The following SLC24A2 variants were observed in gnomAD, a reference collection of about 807,000 sequenced individuals.
SLC24A2 encodes the protein sodium/potassium/calcium exchanger 2.
SLC24A2 carries 36 observed loss-of-function variants against 62.0 expected under a neutral mutation model. The observed-to-expected ratio is 0.58, with a 90% confidence interval of 0.44 to 0.77. SLC24A2 has a LOEUF of 0.77. SLC24A2 is among the 30% of genes least tolerant of loss of function. SLC24A2 has a pLI of 0.00. For missense variants in SLC24A2, 846 were observed against 817.9 expected (o/e 1.03, Z -0.42); for synonymous variants, 358 against 294.0 (o/e 1.22, Z -2.23).
chr9:20,052,511 C>T, the SLC24A2 span, among the ~76,000 whole-genome samples: 2 of 152,202 alleles, frequency 1.3e-5, no homozygotes, highest in Admixed American at 6.5e-5. Context: ...CCTTGATCTT[C>T]TTCTGTTCCC....
the SLC24A2 span, among the ~76,000 whole-genome samples, chr9:20,219,239 G>A: frequency 1.3e-5 from 2 of 152,166 alleles, no homozygotes; most frequent in Non-Finnish European, 2.9e-5. Context: ...GAGATGAGCT[G>A]AGGGAGGACT....
the SLC24A2 span, among the ~76,000 whole-genome samples, chr9:19,886,233 C>T: frequency 2.0e-5 from 3 of 152,286 alleles, no homozygotes; most frequent in East Asian, 5.8e-4. Flanking sequence ...TAAGCATTCT[C>T]TTTTCTCCAC....
At chr9:19,895,671 T>G in the SLC24A2 span, 1 of 732,732 alleles carries the variant, frequency 1.4e-6, no homozygotes, top group African/African-American at 1.8e-5. Flanking sequence ...TGCAGGCTCC[T>G]GCCTTCCTTC....
chr9:19,973,918 T>C, the SLC24A2 span, among the ~76,000 whole-genome samples: 1 of 152,168 alleles, frequency 6.6e-6, no homozygotes, highest in African/African-American at 2.4e-5. Flanking sequence ...ATGTTTTGTT[T>C]CCCTATAGAA....
At position 19,515,047 on chromosome 9, in the gene SLC24A2, C is replaced by A. The variant is rs1832871686; in HGVS notation, c.*1106G>T. 6.6e-6 allele frequency: 1 copy of A among 152,168 alleles called. No individual in the cohort carries two copies. Among genetic ancestry groups the A allele is most frequent in the Non-Finnish European group, 1.5e-5 (1 of 68,030 alleles). 9.4% of individuals were successfully genotyped at this position (152,168 alleles called of 1,614,324 possible). A position where few individuals can be genotyped will look rare whatever the true frequency, so the allele number is the denominator to read the frequency against. The stretch of plus-strand genomic sequence containing the variant: ...TACTGGATGACTTCTTATTGCACAT[C>A]TAGGCTCTCTTGGCAGCCCTTAGCA... On this transcript the variant is annotated 3_prime_UTR_variant, in exon 11 of 11. Transcript: ENST00000341998.
At chr9:20,269,371 T>C in the SLC24A2 span, among the ~76,000 whole-genome samples, 2 of 152,152 alleles carry the variant, frequency 1.3e-5, no homozygotes, top group African/African-American at 2.4e-5. Context: ...TACCATGGGT[T>C]TGAATCCAAA....
chr9:20,074,555 C>CAGGAAGGCAGGA, the SLC24A2 span, among the ~76,000 whole-genome samples: 1 of 87,316 alleles, frequency 1.1e-5, no homozygotes, highest in African/African-American at 5.4e-5. Context: ...GAGAAGAAGG[C>CAGGAAGGCAGGA]AGGAAGGAAG....
intron 7 of SLC24A2, among the ~76,000 whole-genome samples, chr9:19,560,105 C>G (rs907625527): frequency 2.0e-4 from 31 of 152,244 alleles, no homozygotes; most frequent in South Asian, 1.2e-3. Context: ...GATGGCTTTC[C>G]TAAGGGCTCT....
At chr9:19,653,029 A>G (rs896316005) in intron 2 of SLC24A2, among the ~76,000 whole-genome samples, 32 of 152,190 alleles carry the variant, frequency 2.1e-4, no homozygotes, top group African/African-American at 7.7e-4. Flanking sequence ...TGGTTTACCC[A>G]CAGTGTTCCA....
At chr9:20,163,464 G>T in the SLC24A2 span, among the ~76,000 whole-genome samples, 1 of 152,056 alleles carries the variant, frequency 6.6e-6, no homozygotes, top group Non-Finnish European at 1.5e-5. Context: ...ACAAACCACT[G>T]CTCAAGGAAA....
chr9:19,872,495 C>A, the SLC24A2 span, among the ~76,000 whole-genome samples: 1 of 152,116 alleles, frequency 6.6e-6, no homozygotes, highest in African/African-American at 2.4e-5. Flanking sequence ...TGTCTCAGGT[C>A]GTTTTCCTCA....
the SLC24A2 span, among the ~76,000 whole-genome samples, chr9:20,233,621 T>C: frequency 2.0e-5 from 3 of 152,248 alleles, 1 homozygote; most frequent in South Asian, 6.2e-4. Context: ...TATGTGTGTC[T>C]CTGCACATGA....
chr9:20,011,603 T>A, the SLC24A2 span, among the ~76,000 whole-genome samples: 1 of 152,144 alleles, frequency 6.6e-6, no homozygotes, highest in African/African-American at 2.4e-5. Context: ...GTTACAGGAA[T>A]TCCTGAAGGA....
chr9:19,881,293 A>G, the SLC24A2 span, among the ~76,000 whole-genome samples: 1 of 152,192 alleles, frequency 6.6e-6, no homozygotes, highest in Non-Finnish European at 1.5e-5. Context: ...TAGGATAAGA[A>G]GAAAGAGCAA....
At chr9:20,097,019 C>A in the SLC24A2 span, among the ~76,000 whole-genome samples, 1 of 152,138 alleles carries the variant, frequency 6.6e-6, no homozygotes, top group East Asian at 1.9e-4. Context: ...TTCTCTTTTC[C>A]CTACAACCTG....
chr9:20,110,115 A>C, the SLC24A2 span, among the ~76,000 whole-genome samples: 2 of 152,146 alleles, frequency 1.3e-5, no homozygotes, highest in African/African-American at 4.8e-5. Flanking sequence ...CACTCATTTC[A>C]TGAAGAACCT....
At chr9:20,012,605 T>C in the SLC24A2 span, among the ~76,000 whole-genome samples, 1 of 152,196 alleles carries the variant, frequency 6.6e-6, no homozygotes, top group East Asian at 1.9e-4. Flanking sequence ...TTGTCTCTAT[T>C]GGATGATGAC....
the SLC24A2 span, among the ~76,000 whole-genome samples, chr9:19,951,710 A>T: frequency 6.6e-6 from 1 of 152,190 alleles, no homozygotes; most frequent in East Asian, 1.9e-4. Flanking sequence ...TTATACTTAA[A>T]ACAATATCAC....
chr9:19,511,029 T>A lies in SLC24A2; in HGVS notation c.*5124A>T, dbSNP rs1433508757. The A allele has an allele frequency of 2.0e-5, 3 of 152,164 alleles. No individual in the cohort carries two copies. Among genetic ancestry groups the A allele is most frequent in the Non-Finnish European group, 4.4e-5 (3 of 68,060 alleles). The allele number at this position is 152,164 out of a possible 1,614,324, so 9.4% of individuals were successfully genotyped here. A position where few individuals can be genotyped will look rare whatever the true frequency, so the allele number is the denominator to read the frequency against. ...GCAAAATGCCAGTGTGTACATTAGC[T>A]GGGGGGAGTCATTGTGGAAAACAGA... On this transcript the variant is annotated 3_prime_UTR_variant, in exon 11 of 11. Coordinates refer to ENST00000341998, the MANE Select transcript of SLC24A2 (RefSeq NM_020344.4).
Sources: gnomAD v4.1 joint callset for allele counts (sites outside exome capture counted in the v4.1 genomes callset) on GRCh38, gnomAD v4.1.1 for gene constraint, MANE v1.5 for transcripts, NCBI Gene and HGNC (gene_info 2026-07-23, HGNC 2026-07-21) for gene names.